PLD2: variants seen among roughly 807,000 people sequenced by gnomAD.
The protein encoded by PLD2 is choline phosphatase 2.
A neutral mutation model predicts 119.8 loss-of-function variants in PLD2; 101 were observed. The ratio of observed to expected loss-of-function variants is 0.84; its 90% CI spans 0.72 to 0.99. PLD2 has a LOEUF of 0.99. Ranked by LOEUF, PLD2 falls within the 50% of genes least tolerant of loss-of-function variation. The pLI, the probability that PLD2 is intolerant of heterozygous loss-of-function variation, is 0.00. For missense variants in PLD2, 1,164 were observed against 1,226.8 expected, an observed-to-expected ratio of 0.95 and a Z score of 0.76; for synonymous variants, 494 against 482.8, an observed-to-expected ratio of 1.02 and a Z score of -0.30.
At position 4,819,079 on chromosome 17, in the gene PLD2, C is replaced by T. The variant is rs373859406; in HGVS notation, c.2174-5C>T. The T allele has an allele frequency of 3.7e-5, 60 of 1,613,888 alleles. No homozygotes were observed. The South Asian group carries it at 4.8e-4, about 13-fold the overall frequency. On this transcript the variant is annotated splice_region_variant and splice_polypyrimidine_tract_variant and intron_variant, in intron 21 of 24. Coordinates refer to ENST00000263088, the MANE Select transcript of PLD2 (RefSeq NM_002663.5). This position sits in a 1 kb window ranked among gnomAD's most constrained non-coding sequence, Gnocchi z 4.2. ...TCTCACCTCACTTCCCCTCCTGTCA[C>T]GCAGTGGGGACAGCATGGCGGGACT...
At position 4,821,907 on chromosome 17, in the gene PLD2, G is replaced by A; in HGVS notation, c.2577G>A (p.Gln859=). Reference sequence around the variant, plus strand: ...AGAGCAACGCCAATATCTATGAGCAGGTGGGAACTTGGGAGGGGTGGGGGA... The same window carrying A: ...AGAGCAACGCCAATATCTATGAGCAAGTGGGAACTTGGGAGGGGTGGGGGA... ...MAESNANIYE[Q]IFRCLPSNAT... Residue 859 remains glutamine, a splice_region_variant and synonymous_variant, in exon 24 of 25, where the codon CAG becomes CAA. Transcript: ENST00000263088. 2 of 1,607,800 alleles carry A rather than the reference G, an allele frequency of 1.2e-6. No individual in the cohort carries two copies. The highest frequency in any genetic ancestry group is 1.7e-6 in the Non-Finnish European group (2 of 1,174,280).
chr17:4,822,536 G>C (rs573417679), intron 24 of PLD2, 104 bp from the exon 25 acceptor site: 37 of 702,386 alleles, frequency 5.3e-5, no homozygotes, highest in African/African-American at 3.0e-4. Context: ...GGGTCAACGG[G>C]GGGTATGGAG....
Position 4,819,908 on chromosome 17 carries a change from G to A in PLD2, c.2462+326G>A, listed in dbSNP as rs921773846. 1.3e-5 allele frequency among the ~76,000 whole-genome samples: 2 copies of A among 152,122 alleles called. No individual in the cohort carries two copies. Among genetic ancestry groups the A allele is most frequent in the Non-Finnish European group, 2.9e-5 (2 of 68,026 alleles). ...AGCTACTAGGACTAATCAGTTTAGAGTATCAGTAAAGCAGGAACACCAAAA... is the reference window on the plus strand; with the variant it reads ...AGCTACTAGGACTAATCAGTTTAGAATATCAGTAAAGCAGGAACACCAAAA... On this transcript the variant is annotated intron_variant, in intron 23 of 24. Coordinates refer to ENST00000263088, the MANE Select transcript of PLD2 (RefSeq NM_002663.5). This position sits in a 1 kb window ranked among gnomAD's most constrained non-coding sequence, Gnocchi z 4.2.
chr17:4,814,510 GA>G lies in PLD2; in HGVS notation c.1094+13del, dbSNP rs771710992. 6.2e-7 allele frequency: 1 copy of G among 1,613,014 alleles called. No individual in the cohort carries two copies. The highest frequency in any genetic ancestry group is 8.5e-7 in the Non-Finnish European group (1 of 1,179,594). On this transcript the variant is annotated intron_variant, in intron 11 of 24. Transcript: ENST00000263088. ...TTCATCACAGACTGGTGGTGAGTGG[GA>G]AAAGGCCCCAACAACATGGGGCAGG...
intron 11 of PLD2, 37 bp downstream of exon 11, chr17:4,814,538 T>A (rs1281659910): frequency 6.2e-7 from 1 of 1,612,722 alleles, no homozygotes; most frequent in Non-Finnish European, 8.5e-7. Flanking sequence ...TGGGGCAGGA[T>A]AGAGCCTGGG....
chr17:4,813,084 A>G (rs1228400690), intron 10 of PLD2, among the ~76,000 whole-genome samples: 1 of 152,192 alleles, frequency 6.6e-6, no homozygotes, highest in Admixed American at 6.5e-5. Context: ...ATACCAGCTC[A>G]CTGCAGTCTC....
intron 11 of PLD2, 25 bp downstream of exon 11, chr17:4,814,526 C>T (rs1479921614): frequency 6.2e-7 from 1 of 1,612,774 alleles, no homozygotes; most frequent in Non-Finnish European, 8.5e-7. Context: ...GCCCCAACAA[C>T]ATGGGGCAGG....
rs1906091781 is a variant in PLD2, at chr17:4,808,384, CAA to C, written c.353_354del (p.Lys118SerfsTer35). ...AGCTGCATCGGGACCTCCTGAGACA[CAA>C]AGTCTTGATGAGTCTGCTCCCTCTG... ...QELHRDLLRH[K>X]VLMSLLPLAR... On this transcript the variant is annotated frameshift_variant, in exon 4 of 25. Coordinates refer to ENST00000263088, the MANE Select transcript of PLD2 (RefSeq NM_002663.5). LOFTEE classifies it high-confidence loss of function. This position sits in a 1 kb window ranked among gnomAD's most constrained non-coding sequence, Gnocchi z 4.1. 1 of 1,614,086 alleles carries C rather than the reference CAA, an allele frequency of 6.2e-7. No individual in the cohort carries two copies. Among genetic ancestry groups the C allele is most frequent in the South Asian group, 1.1e-5 (1 of 91,074 alleles).
At position 4,807,968 on chromosome 17, in the gene PLD2, C is replaced by T. The variant is rs376569732; in HGVS notation, c.110-16C>T. 1 of 1,606,152 alleles carries T rather than the reference C, an allele frequency of 6.2e-7. No homozygotes were observed. Among genetic ancestry groups the T allele is most frequent in the African/African-American group, 1.3e-5 (1 of 74,786 alleles). On this transcript the variant is annotated splice_polypyrimidine_tract_variant and intron_variant, in intron 2 of 24. Coordinates refer to ENST00000263088, the MANE Select transcript of PLD2 (RefSeq NM_002663.5). The surrounding 1 kb of genome is among the most constrained non-coding windows in gnomAD (Gnocchi z 5.4). ...GCCTGTTGTGGTCTACACTCCTCGA[C>T]TTTCTTTCCTCCCAGCCGACCGGAT...
At position 4,819,150 on chromosome 17, in the gene PLD2, A is replaced by G; in HGVS notation, c.2240A>G (p.His747Arg). The G allele has an allele frequency of 6.2e-7, 1 of 1,613,936 alleles. No individual in the cohort carries two copies. Among genetic ancestry groups the G allele is most frequent in the East Asian group, 2.2e-5 (1 of 44,856 alleles). Residue 747 changes from histidine (H) to arginine (R), a missense_variant, in exon 22 of 25, where the codon CAC becomes CGC. Transcript: ENST00000263088. This position sits in a 1 kb window ranked among gnomAD's most constrained non-coding sequence, Gnocchi z 4.2. ...CGTACACACGGAGAGCTGGGCGGGC[A>G]CCCCGTCTCGGAGCTCATCTACATC... Reference protein sequence around the residue: ...GLRTHGELGGHPVSELIYIHS... With the variant: ...GLRTHGELGGRPVSELIYIHS...
Position 4,821,776 on chromosome 17 carries a change from A to G in PLD2, c.2463-17A>G. 1 of 1,560,746 alleles carries G rather than the reference A, an allele frequency of 6.4e-7. No individual in the cohort carries two copies. The highest frequency in any genetic ancestry group is 8.8e-7 in the Non-Finnish European group (1 of 1,131,748). ...AGGATCTTAATCTGGCCCTGCTGGG[A>G]CCCCTTTCTCCTATAGTGTGATTCT... On this transcript the variant is annotated splice_polypyrimidine_tract_variant and intron_variant, in intron 23 of 24. Coordinates refer to ENST00000263088, the MANE Select transcript of PLD2 (RefSeq NM_002663.5).
Position 4,809,380 on chromosome 17 carries a change from G to A in PLD2, c.555+17G>A, listed in dbSNP as rs530874568. The A allele has an allele frequency of 4.4e-5, 71 of 1,613,742 alleles. No individual in the cohort carries two copies. Among genetic ancestry groups the A allele is most frequent in the East Asian group, 1.1e-4 (5 of 44,878 alleles). On this transcript the variant is annotated intron_variant, in intron 6 of 24. Transcript: ENST00000263088. Reference sequence around the variant, plus strand: ...CATGCCATGGTAAGGTCCAGGGGCCGATTTTAGATGTGGAGCAGGATTATC... The same window carrying A: ...CATGCCATGGTAAGGTCCAGGGGCCAATTTTAGATGTGGAGCAGGATTATC...
chr17:4,807,633 G>C lies in PLD2; in HGVS notation c.-1-139G>C. 1 of 604,694 alleles carries C rather than the reference G, an allele frequency of 1.7e-6. No homozygotes were observed. The highest frequency in any genetic ancestry group is 1.8e-5 in the African/African-American group (1 of 54,184). The allele number at this position is 604,694 out of a possible 1,614,324, so 37.5% of individuals were successfully genotyped here. A position where few individuals can be genotyped will look rare whatever the true frequency, so the allele number is the denominator to read the frequency against. ...GGGGTCGGTGGGGCGTTGCAAACTGGTCAGGCGTCATCCGCGGGCGGTCAG... is the reference window on the plus strand; with the variant it reads ...GGGGTCGGTGGGGCGTTGCAAACTGCTCAGGCGTCATCCGCGGGCGGTCAG... On this transcript the variant is annotated intron_variant, in intron 1 of 24. Coordinates refer to ENST00000263088, the MANE Select transcript of PLD2 (RefSeq NM_002663.5). This position sits in a 1 kb window ranked among gnomAD's most constrained non-coding sequence, Gnocchi z 5.4.
rs1907079726 is a variant in PLD2, at chr17:4,817,246, G to A, written c.1802G>A (p.Cys601Tyr). 1.9e-6 allele frequency: 3 copies of A among 1,610,330 alleles called. No individual in the cohort carries two copies. Among genetic ancestry groups the A allele is most frequent in the Non-Finnish European group, 1.7e-6 (2 of 1,176,684 alleles). ...CCCTTCACACTTCCAGGAGGGCAGT[G>A]CACCACCGTACAGGTGAGGCCCCCC... ...QLPFTLPGGQ[C>Y]TTVQVLRSVD... The change falls in exon 17 of 25, where the codon TGC (cysteine) becomes TAC (tyrosine). Residue 601 changes from cysteine to tyrosine, a missense_variant. Cys to Tyr is a radical substitution (Grantham distance 194). Coordinates refer to ENST00000263088, the MANE Select transcript of PLD2 (RefSeq NM_002663.5).
intron 21 of PLD2, 62 bp downstream of exon 21, chr17:4,818,885 G>A (rs1450629037): frequency 6.4e-6 from 10 of 1,560,920 alleles, no homozygotes; most frequent in African/African-American, 5.4e-5. Context: ...TTGGGGCGCT[G>A]CAGGCCTGGG....
Position 4,819,297 on chromosome 17 carries a change from T to C in PLD2, c.2308+79T>C, listed in dbSNP as rs1052887826. 4 of 1,599,918 alleles carry C rather than the reference T, an allele frequency of 2.5e-6. No homozygotes were observed. Among genetic ancestry groups the C allele is most frequent in the Non-Finnish European group, 3.4e-6 (4 of 1,171,058 alleles). On this transcript the variant is annotated intron_variant, in intron 22 of 24. Coordinates refer to ENST00000263088, the MANE Select transcript of PLD2 (RefSeq NM_002663.5). The surrounding 1 kb of genome is among the most constrained non-coding windows in gnomAD (Gnocchi z 4.2). ...AGATGAGAGGCAGGATGACAGAGACTGCAGCTGAGGCTCGTGTAGGGGTGG... is the reference window on the plus strand; with the variant it reads ...AGATGAGAGGCAGGATGACAGAGACCGCAGCTGAGGCTCGTGTAGGGGTGG...
At position 4,811,363 on chromosome 17, in the gene PLD2, G is replaced by A. The variant is rs1177555838; in HGVS notation, c.1010+412G>A. 2.5e-5 allele frequency among the ~76,000 whole-genome samples: 3 copies of A among 119,632 alleles called. No individual in the cohort carries two copies. In the Admixed American group the frequency reaches 3.5e-4, roughly 14 times the overall value. 78.5% of individuals were successfully genotyped at this position (119,632 alleles called of 152,430 possible). On this transcript the variant is annotated intron_variant, in intron 10 of 24. Transcript: ENST00000263088. ...TTGATCTCGGCTCACTGCAACCTCC[G>A]CCTCCCAGGTTCAAGCGATTCTTCT...
Position 4,814,415 on chromosome 17 carries a change from C to A in PLD2, c.1011-3C>A, listed in dbSNP as rs768900486. On this transcript the variant is annotated splice_polypyrimidine_tract_variant and splice_region_variant and intron_variant, in intron 10 of 24. Coordinates refer to ENST00000263088, the MANE Select transcript of PLD2 (RefSeq NM_002663.5). ...TGACCTCCTTGGCTTGGCCTCCCCCCAGGTTTGTGAATGGGGCAGGTTACT... is the reference window on the plus strand; with the variant it reads ...TGACCTCCTTGGCTTGGCCTCCCCCAAGGTTTGTGAATGGGGCAGGTTACT... 3.9e-5 allele frequency: 63 copies of A among 1,608,746 alleles called. No homozygotes were observed. The Middle Eastern group carries it at 7.9e-4, about 20-fold the overall frequency.
At chr17:4,809,594 C>A in intron 7 of PLD2, 43 bp downstream of exon 7, 1 of 1,608,666 alleles carries the variant, frequency 6.2e-7, no homozygotes, top group Non-Finnish European at 8.5e-7. Context: ...GTAGACATCA[C>A]TCTTAATTTC....
Sources: gnomAD v4.1 joint callset for allele counts (sites outside exome capture counted in the v4.1 genomes callset) on GRCh38, gnomAD v4.1.1 for gene constraint, Gnocchi (gnomAD v3.1) non-coding constraint, MANE v1.5 for transcripts, NCBI Gene and HGNC (gene_info 2026-07-23, HGNC 2026-07-21) for gene names.